Variants in DGKD observed in about 807,000 individuals in gnomAD.
DGKD encodes diacylglycerol kinase delta.
Under a neutral mutation model 154.4 loss-of-function variants are expected in DGKD, and 68 were observed. The observed-to-expected ratio is 0.44, with a 90% confidence interval of 0.36 to 0.54. The LOEUF is 0.54. Ranked by LOEUF, DGKD falls within the 20% of genes least tolerant of loss-of-function variation. The probability of loss-of-function intolerance (pLI) is 0.00; values close to 1 mark genes in which losing one functional copy is unlikely to be tolerated. For missense variants in DGKD, 1,343 were observed against 1,593.6 expected (o/e 0.84, Z 2.68); for synonymous variants, 693 against 638.0 (o/e 1.09, Z -1.30).
In DGKD at chr2:233,434,780, C is replaced by G; in HGVS notation, c.465C>G (p.Tyr155Ter). 1 of 1,613,708 alleles carries G rather than the reference C, an allele frequency of 6.2e-7. No individual in the cohort carries two copies. The highest frequency in any genetic ancestry group is 8.5e-7 in the Non-Finnish European group (1 of 1,179,792). Residue 155 changes from tyrosine (Y) to a stop codon, truncating the protein, a stop_gained, in exon 5 of 30, where the codon TAC (tyrosine) becomes TAG (stop). Coordinates refer to ENST00000264057, the MANE Select transcript of DGKD (RefSeq NM_152879.3). LOFTEE classifies it high-confidence loss of function. ...TTTCGTTCTTCCAGCCCACCCAGTA[C>G]AGCATGGACCACTTCTCAGGGATGC... ...QNREHFEPTQ[Y>*]SMDHFSGMHN...
chr2:233,447,501 T>A, intron 12 of DGKD: 1 of 985,286 alleles, frequency 1.0e-6, no homozygotes, highest in Non-Finnish European at 1.2e-6. Context: ...TGTACATTTT[T>A]TATTTTTCCT....
chr2:233,446,806 G>A lies in DGKD; in HGVS notation c.1419+10G>A. ...CAGCGAGGATTCCGAGGTATTGCTG[G>A]CCTGTTCTTCACACCCTGCTCGCAT... On this transcript the variant is annotated intron_variant, in intron 12 of 29. Coordinates refer to ENST00000264057, the MANE Select transcript of DGKD (RefSeq NM_152879.3). 1.9e-6 allele frequency: 3 copies of A among 1,614,048 alleles called. No homozygotes were observed. Among genetic ancestry groups the A allele is most frequent in the Non-Finnish European group, 2.5e-6 (3 of 1,179,954 alleles).
chr2:233,438,794 C>CTATCTATT lies in DGKD; in HGVS notation c.1085+422_1085+423insTTATCTAT, dbSNP rs1419570529. Among the ~76,000 whole-genome samples, 12 of 130,924 alleles carry CTATCTATT rather than the reference C, an allele frequency of 9.2e-5. No individual in the cohort carries two copies. In the East Asian group the frequency reaches 2.4e-3, roughly 27 times the overall value. 85.9% of individuals were successfully genotyped at this position (130,924 alleles called of 152,430 possible). ...TCTATCTATCTATCTATCTATCTAT[C>CTATCTATT]TATCTATCTATCTATCTATCTGTGG... On this transcript the variant is annotated intron_variant, in intron 9 of 29. Coordinates refer to ENST00000264057, the MANE Select transcript of DGKD (RefSeq NM_152879.3). The surrounding 1 kb of genome is among the most constrained non-coding windows in gnomAD (Gnocchi z 4.1).
In DGKD at chr2:233,459,803, T is replaced by C. The variant is rs1486489678; in HGVS notation, c.2741T>C (p.Val914Ala). The C allele has an allele frequency of 6.2e-7, 1 of 1,614,088 alleles. No homozygotes were observed. Among genetic ancestry groups the C allele is most frequent in the Non-Finnish European group, 8.5e-7 (1 of 1,179,998 alleles). Residue 914 changes from valine (V) to alanine (A), a missense_variant, in exon 23 of 30, where the codon GTG (valine) becomes GCG (alanine). By Grantham distance (64) the Val-to-Ala change is moderately conservative. Around this residue, in one of 6 missense-constraint regions of DGKD, gnomAD observed 429 missense variants for 496.3 expected, o/e 0.86. Coordinates refer to ENST00000264057, the MANE Select transcript of DGKD (RefSeq NM_152879.3). This position sits in a 1 kb window ranked among gnomAD's most constrained non-coding sequence, Gnocchi z 5.7. ...ATCCTTGGGGATGAGGGCGTGCCTG[T>C]GCAGGTGGACGGAGAGGCCTGGGTC... The part of the protein sequence containing the change: ...ISILGDEGVP[V>A]QVDGEAWVQP...
At chr2:233,437,332 G>A (rs1460935476) in intron 7 of DGKD, 45 bp from the exon 8 acceptor site, 3 of 1,564,844 alleles carry the variant, frequency 1.9e-6, no homozygotes, top group Admixed American at 3.4e-5. Context: ...TGGTGTGTGT[G>A]AAGGATGCCA....
chr2:233,371,578 C>G (rs534959002), intron 1 of DGKD, among the ~76,000 whole-genome samples: 255 of 152,280 alleles, frequency 1.7e-3, no homozygotes, highest in Non-Finnish European at 2.8e-3. Flanking sequence ...GTTGCTCGTG[C>G]TTTTGGTGTT....
chr2:233,388,056 T>G, intron 1 of DGKD: 1 of 1,219,212 alleles, frequency 8.2e-7, no homozygotes, highest in Non-Finnish European at 1.1e-6. Flanking sequence ...CATTGCCCCT[T>G]AGAGGACAGG....
chr2:233,395,964 C>A (rs1473750411), intron 3 of DGKD, among the ~76,000 whole-genome samples: 1 of 152,162 alleles, frequency 6.6e-6, no homozygotes. Flanking sequence ...CTTTGTTTCA[C>A]TAGCTCTTAT....
At position 233,459,985 on chromosome 2, in the gene DGKD, G is replaced by T; in HGVS notation, c.2829+94G>T. The stretch of plus-strand genomic sequence containing the variant: ...TAAGAGCTGGAGCTTTTTGTGTTTT[G>T]TTCTAGGATTTTTTTTTTTTTTAAG... On this transcript the variant is annotated intron_variant, in intron 23 of 29. Coordinates refer to ENST00000264057, the MANE Select transcript of DGKD (RefSeq NM_152879.3). The surrounding 1 kb of genome is among the most constrained non-coding windows in gnomAD (Gnocchi z 5.7). 8 of 1,461,562 alleles carry T rather than the reference G, an allele frequency of 5.5e-6. No homozygotes were observed. The highest frequency in any genetic ancestry group is 4.5e-6 in the Non-Finnish European group (5 of 1,109,572). 90.5% of individuals were successfully genotyped at this position (1,461,562 alleles called of 1,614,324 possible). A position where few individuals can be genotyped will look rare whatever the true frequency, so the allele number is the denominator to read the frequency against.
In DGKD at chr2:233,448,395, G is replaced by A; in HGVS notation, c.1614+20G>A. Reference sequence around the variant, plus strand: ...AAGAAGGTCTGTTCCCGTGCCCTGGGTGGGAGGGGCATTGAGGCAGCGAGA... The same window carrying A: ...AAGAAGGTCTGTTCCCGTGCCCTGGATGGGAGGGGCATTGAGGCAGCGAGA... On this transcript the variant is annotated intron_variant, in intron 14 of 29. Coordinates refer to ENST00000264057, the MANE Select transcript of DGKD (RefSeq NM_152879.3). The A allele has an allele frequency of 6.2e-7, 1 of 1,608,410 alleles. No homozygotes were observed. Among genetic ancestry groups the A allele is most frequent in the East Asian group, 2.2e-5 (1 of 44,752 alleles).
chr2:233,387,907 A>G (rs1032949591), intron 1 of DGKD, among the ~76,000 whole-genome samples: 2 of 152,120 alleles, frequency 1.3e-5, no homozygotes, highest in Non-Finnish European at 2.9e-5. Flanking sequence ...AAGTTGGAGA[A>G]TGCACTGGCC....
intron 3 of DGKD, among the ~76,000 whole-genome samples, chr2:233,402,831 T>C (rs1044087100): frequency 6.6e-6 from 1 of 152,250 alleles, no homozygotes; most frequent in Non-Finnish European, 1.5e-5. Flanking sequence ...TTGTTATTCC[T>C]TATTTGAACT....
intron 3 of DGKD, among the ~76,000 whole-genome samples, chr2:233,425,054 G>C (rs530725345): frequency 6.6e-6 from 1 of 152,140 alleles, no homozygotes; most frequent in Non-Finnish European, 1.5e-5. Context: ...ATTTAGAGTA[G>C]CAAGGTATTT....
rs903096335 is a variant in DGKD, at chr2:233,436,452, G to A, written c.819+11G>A. On this transcript the variant is annotated intron_variant, in intron 7 of 29. Transcript: ENST00000264057. The stretch of plus-strand genomic sequence containing the variant: ...TGGTGCAAGGCCATGGTGAGTGTGG[G>A]CCCTGCGCCCGGGCTGGAGGGGAGG... 2.5e-6 allele frequency: 4 copies of A among 1,609,124 alleles called. No homozygotes were observed. In the Admixed American group the frequency reaches 6.7e-5, roughly 27 times the overall value.
chr2:233,378,681 A>G (rs1323236514), intron 1 of DGKD, among the ~76,000 whole-genome samples: 1 of 152,040 alleles, frequency 6.6e-6, no homozygotes, highest in Non-Finnish European at 1.5e-5. Flanking sequence ...AAATGTTTTC[A>G]TATTTTTTGC....
chr2:233,394,031 T>C (rs1703829484), intron 3 of DGKD, among the ~76,000 whole-genome samples: 1 of 152,214 alleles, frequency 6.6e-6, no homozygotes, highest in African/African-American at 2.4e-5. Flanking sequence ...AGTCCTCTTA[T>C]GATCTTGTTT....
chr2:233,385,937 C>A (rs1703149044), intron 1 of DGKD: 1 of 470,984 alleles, frequency 2.1e-6, no homozygotes, highest in African/African-American at 2.0e-5. Flanking sequence ...CAGCAGCTCT[C>A]CTTGGGCAGC....
intron 1 of DGKD, among the ~76,000 whole-genome samples, chr2:233,366,213 T>TG (rs1702020693): frequency 2.0e-5 from 3 of 152,172 alleles, no homozygotes; most frequent in Admixed American, 2.0e-4. Flanking sequence ...GGGATACTAT[T>TG]GCTTTAAGAT....
At chr2:233,442,175 C>A in intron 10 of DGKD, 180 bp downstream of exon 10, 1 of 710,596 alleles carries the variant, frequency 1.4e-6, no homozygotes. Flanking sequence ...TGGGCCACCC[C>A]CTGGCATTGT....
Sources: allele counts gnomAD v4.1 joint callset (sites outside exome capture counted in the v4.1 genomes callset), GRCh38; gene constraint gnomAD v4.1.1; regional missense constraint gnomAD v4.1.1; non-coding constraint Gnocchi (gnomAD v3.1); transcripts MANE v1.5; gene names NCBI Gene and HGNC (gene_info 2026-07-23, HGNC 2026-07-21).